LYST: variants seen among roughly 807,000 people sequenced by gnomAD.
LYST encodes the protein lysosomal-trafficking regulator.
LYST carries 192 observed loss-of-function variants against 413.6 expected under a neutral mutation model. The observed-to-expected ratio is 0.46, with a 90% CI of 0.41 to 0.52. The LOEUF (loss-of-function observed/expected upper bound fraction) is 0.52. Among genes scored for constraint, LYST ranks in the 20% least tolerant of loss-of-function variants. The pLI is 0.00. For synonymous variants in LYST, 1,525 were observed against 1,567.3 expected (o/e 0.97, Z 0.64); for missense variants, 3,815 against 4,499.9 (o/e 0.85, Z 4.35).
At chr1:235,702,663 G>T in intron 45 of LYST, 84 bp downstream of exon 45, 1 of 1,116,820 alleles carries the variant, frequency 9.0e-7, no homozygotes, top group Non-Finnish European at 1.3e-6. Flanking sequence ...CCAGGACCAT[G>T]CTATTCATCA....
In LYST at chr1:235,830,471, A is replaced by G. The variant is rs574983912; in HGVS notation, c.-7-47T>C. 450 of 1,390,980 alleles carry G rather than the reference A, an allele frequency of 3.2e-4. 2 individuals carry two copies. In the African/African-American group the frequency reaches 6.0e-3, roughly 19 times the overall value. The allele number at this position is 1,390,980 out of a possible 1,614,324, so 86.2% of individuals were successfully genotyped here. A position where few individuals can be genotyped will look rare whatever the true frequency, so the allele number is the denominator to read the frequency against. ...AAAAAAAGATTAGGAAAACAAATAC[A>G]AATTTACTTTTAAAACTATGTGTTT... is the stretch of plus-strand genomic sequence containing the variant. On this transcript the variant is annotated intron_variant, in intron 2 of 52. Transcript: ENST00000389793.
rs768522588 is a variant in LYST at position 235,810,101 on chromosome 1, A to C, written c.717T>G (p.Ser239Arg). 6.2e-7 allele frequency: 1 copy of C among 1,614,112 alleles called. No individual in the cohort carries two copies. The highest frequency in any genetic ancestry group is 8.5e-7 in the Non-Finnish European group (1 of 1,179,956). The change falls in exon 5 of 53, where the codon AGT becomes AGG. Residue 239 changes from serine to arginine, a missense_variant. Around this residue, in one of 4 missense-constraint regions of LYST, gnomAD observed 1,648 missense variants for 1,810.3 expected, o/e 0.91. Coordinates refer to ENST00000389793, the MANE Select transcript of LYST (RefSeq NM_000081.4). ...PRQGSNTDILSEPAALSVISN... is the reference protein window; with the variant it reads ...PRQGSNTDILREPAALSVISN... Reference sequence around the variant, plus strand: ...TGATAACAGACAAGGCAGCTGGCTCACTTAAAATGTCAGTGTTTGACCCCT... The same window carrying C: ...TGATAACAGACAAGGCAGCTGGCTCCCTTAAAATGTCAGTGTTTGACCCCT...
At chr1:235,867,931 A>C (rs1272031731), upstream of LYST, among the ~76,000 whole-genome samples, 1 of 152,264 alleles carries the variant, frequency 6.6e-6, no homozygotes, top group Non-Finnish European at 1.5e-5. Flanking sequence ...GAAATAATTC[A>C]GGATATTATG....
At chr1:235,730,144 C>T (rs1664235117) in intron 36 of LYST, among the ~76,000 whole-genome samples, 1 of 151,926 alleles carries the variant, frequency 6.6e-6, no homozygotes, top group Non-Finnish European at 1.5e-5. Context: ...GATTTGGAAT[C>T]AGAAAGTTCC....
intron 50 of LYST, among the ~76,000 whole-genome samples, chr1:235,672,920 C>CT (rs1265408593): frequency 6.6e-6 from 1 of 152,166 alleles, no homozygotes; most frequent in African/African-American, 2.4e-5. Flanking sequence ...CCTTTACTCA[C>CT]TCCCTCAAGA....
At chr1:235,758,164 G>A (rs1667224431) in intron 23 of LYST, among the ~76,000 whole-genome samples, 1 of 152,174 alleles carries the variant, frequency 6.6e-6, no homozygotes, top group South Asian at 2.1e-4. Flanking sequence ...CTGCATTTCA[G>A]CTCCATATAA....
At chr1:235,874,393 A>T (rs1681054206) in intron 1 of LYST, among the ~76,000 whole-genome samples, 1 of 152,184 alleles carries the variant, frequency 6.6e-6, no homozygotes, top group Non-Finnish European at 1.5e-5. Context: ...GTCGAGGGAG[A>T]TGAAGGTTAT....
chr1:235,665,995 C>T (rs1658419912), intron 50 of LYST, among the ~76,000 whole-genome samples: 2 of 151,888 alleles, frequency 1.3e-5, no homozygotes, highest in African/African-American at 4.8e-5. Context: ...CTTTTCATTA[C>T]ATATAAGTAG....
chr1:235,668,548 A>T (rs1221531179), intron 50 of LYST, among the ~76,000 whole-genome samples: 1 of 152,224 alleles, frequency 6.6e-6, no homozygotes. Context: ...ATACCCTACT[A>T]GTGAGTTGGT....
chr1:235,706,433 T>C (rs889321207), intron 44 of LYST, among the ~76,000 whole-genome samples: 8 of 152,194 alleles, frequency 5.3e-5, no homozygotes, highest in African/African-American at 1.9e-4. Flanking sequence ...CTTTGTCCTA[T>C]CATTTTTCTT....
intron 47 of LYST, 117 bp downstream of exon 47, chr1:235,693,233 C>T (rs952445156): frequency 5.0e-6 from 3 of 598,060 alleles, no homozygotes; most frequent in Non-Finnish European, 7.9e-6. Context: ...AGGAGAATGG[C>T]GTGAGCCGGG....
intron 1 of LYST, among the ~76,000 whole-genome samples, chr1:235,838,844 C>G (rs1228347594): frequency 7.1e-6 from 1 of 141,804 alleles, no homozygotes; most frequent in East Asian, 2.1e-4. Context: ...AGATCATTCT[C>G]CATGTCAGAG....
At chr1:235,787,484 T>A (rs1275676011) in intron 13 of LYST, 111 bp from the exon 14 acceptor site, 1 of 951,248 alleles carries the variant, frequency 1.1e-6, no homozygotes, top group Non-Finnish European at 1.6e-6. Flanking sequence ...AAATCAGTTC[T>A]ATTTTTTTTA....
At chr1:235,712,805 C>T (rs371705679) in intron 42 of LYST, 164 of 984,332 alleles carry the variant, frequency 1.7e-4, no homozygotes, top group Non-Finnish European at 1.8e-4. Flanking sequence ...GTCACTCTTT[C>T]GTTCATTTTT....
At chr1:235,879,406 G>C (rs776193694) in intron 1 of LYST, among the ~76,000 whole-genome samples, 1 of 152,198 alleles carries the variant, frequency 6.6e-6, no homozygotes, top group Non-Finnish European at 1.5e-5. Context: ...GGGAATGGTC[G>C]CCTGCTAACA....
intron 3 of LYST, among the ~76,000 whole-genome samples, chr1:235,823,987 G>GA: frequency 6.6e-6 from 1 of 152,240 alleles, no homozygotes; most frequent in African/African-American, 2.4e-5. Context: ...GTAAAGCAGT[G>GA]AATAAACTGT....
intron 39 of LYST, 61 bp downstream of exon 39, chr1:235,723,967 A>G (rs1663617845): frequency 1.5e-6 from 2 of 1,347,756 alleles, no homozygotes; most frequent in South Asian, 1.2e-5. Context: ...CAGTATGAGT[A>G]TAGTTACAGT....
intron 1 of LYST, among the ~76,000 whole-genome samples, chr1:235,841,409 TC>T (rs1677187152): frequency 6.6e-6 from 1 of 152,116 alleles, no homozygotes; most frequent in Admixed American, 6.6e-5. Context: ...TGGCCAGCCA[TC>T]TCCTATCAGC....
At chr1:235,793,763 T>C (rs1160966890) in intron 10 of LYST, 151 bp from the exon 11 acceptor site, 5 of 494,292 alleles carry the variant, frequency 1.0e-5, no homozygotes, top group African/African-American at 6.0e-5. Flanking sequence ...GCTGAAGAAA[T>C]AGCAATATAA....
Sources: allele counts gnomAD v4.1 joint callset (sites outside exome capture counted in the v4.1 genomes callset), GRCh38; gene constraint gnomAD v4.1.1; regional missense constraint gnomAD v4.1.1; transcripts MANE v1.5; gene names NCBI Gene and HGNC (gene_info 2026-07-23, HGNC 2026-07-21).